The following MARK2 variants were observed in gnomAD, a reference collection of about 807,000 sequenced individuals.
The protein encoded by MARK2 is serine/threonine-protein kinase MARK2.
In MARK2, 16 loss-of-function variants were observed where a neutral mutation model predicts 89.8. The ratio of observed to expected loss-of-function variants is 0.18; its 90% CI spans 0.12 to 0.27. MARK2 has a LOEUF of 0.27. Ranked by LOEUF, MARK2 falls within the 10% of genes least tolerant of loss-of-function variation. The probability of loss-of-function intolerance (pLI) is 1.00; values close to 1 mark genes in which losing one functional copy is unlikely to be tolerated. For synonymous variants in MARK2, 382 were observed against 399.5 expected (o/e 0.96, Z 0.52); for missense variants, 621 against 1,049.9 (o/e 0.59, Z 5.65).
intron 3 of MARK2, among the ~76,000 whole-genome samples, chr11:63,898,018 A>G (rs1321515773): frequency 6.6e-6 from 1 of 152,138 alleles, no homozygotes; most frequent in Non-Finnish European, 1.5e-5. Context: ...TCCTGATGCC[A>G]TCCCGGGTAG....
In MARK2 at chr11:63,894,963, A is replaced by G. The variant is rs1366538270; in HGVS notation, c.55-196A>G. Among the ~76,000 whole-genome samples, 4 of 152,220 alleles carry G rather than the reference A, an allele frequency of 2.6e-5. 1 individual carries two copies. In the Middle Eastern group the frequency reaches 0.01, roughly 388 times the overall value. On this transcript the variant is annotated intron_variant, in intron 1 of 18. Transcript: ENST00000402010. ...CCACAGGACCTGGGCACTGGACCTT[A>G]TGATGTGCTTCTCTGGAGTGAAGAC...
Position 63,857,354 on chromosome 11 carries a change from TTCTCCATGTTGGTCAGGCTGG to T in MARK2, c.54+17820_54+17840del, listed in dbSNP as rs547855496. Among the ~76,000 whole-genome samples the T allele has an allele frequency of 9.6e-3, 1,462 of 152,074 alleles. 28 individuals carry two copies. The highest frequency in any genetic ancestry group is 0.033 in the African/African-American group (1,385 of 41,452). On this transcript the variant is annotated intron_variant, in intron 1 of 18. Coordinates refer to ENST00000402010, the MANE Select transcript of MARK2 (RefSeq NM_001039469.3). ...TTTTGCATTTTAGTAGAGACGGGGTTTCTCCATGTTGGTCAGGCTGGTCTCCATGTTGGTCAGGCTGGTCTC... is the reference window on the plus strand; with the variant it reads ...TTTTGCATTTTAGTAGAGACGGGGTTTCTCCATGTTGGTCAGGCTGGTCTC...
chr11:63,906,130 GCT>G lies in MARK2; in HGVS notation c.1961+17_1961+18del. The G allele has an allele frequency of 8.1e-7, 1 of 1,232,110 alleles. No individual in the cohort carries two copies. Among genetic ancestry groups the G allele is most frequent in the Non-Finnish European group, 1.0e-6 (1 of 985,710 alleles). 76.3% of individuals were successfully genotyped at this position (1,232,110 alleles called of 1,614,324 possible). On this transcript the variant is annotated intron_variant, in intron 17 of 18. Coordinates refer to ENST00000402010, the MANE Select transcript of MARK2 (RefSeq NM_001039469.3). ...TTGCCAGAAGGTAGGCGTTGAGCCC[GCT>G]GTGTGTGTGTGTGTGTGTGTGTGTC... is the stretch of plus-strand genomic sequence containing the variant.
intron 1 of MARK2, among the ~76,000 whole-genome samples, chr11:63,890,715 G>A (rs1219817071): frequency 6.6e-6 from 1 of 152,228 alleles, no homozygotes; most frequent in Non-Finnish European, 1.5e-5. Context: ...AGGTTGTTTT[G>A]ACAGTGAGAC....
chr11:63,890,242 G>A (rs571310291), intron 1 of MARK2: 1 of 1,341,936 alleles, frequency 7.5e-7, no homozygotes, highest in Non-Finnish European at 9.8e-7. Flanking sequence ...CCTTACCCTG[G>A]CTCACATCCC....
chr11:63,861,321 A>C (rs1937764039), intron 1 of MARK2, among the ~76,000 whole-genome samples: 1 of 152,158 alleles, frequency 6.6e-6, no homozygotes, highest in Non-Finnish European at 1.5e-5. Context: ...CTGTAATCCC[A>C]GCTACTCTGG....
intron 1 of MARK2, among the ~76,000 whole-genome samples, chr11:63,874,626 A>G (rs900643424): frequency 1.3e-5 from 2 of 152,184 alleles, no homozygotes; most frequent in Admixed American, 6.5e-5. Context: ...GGAGGCCTCT[A>G]TGCTGTGTTG....
Position 63,903,441 on chromosome 11 carries a change from C to T in MARK2, c.1514+283C>T. 2.2e-6 allele frequency: 1 copy of T among 463,712 alleles called. No individual in the cohort carries two copies. The highest frequency in any genetic ancestry group is 4.0e-6 in the Non-Finnish European group (1 of 250,468). 28.7% of individuals were successfully genotyped at this position (463,712 alleles called of 1,614,324 possible). ...GACCACGGCCAGGGCATGGCAGCTG[C>T]CCTCCTCTAGACATGAGCAGCTAAG... On this transcript the variant is annotated intron_variant, in intron 14 of 18. Coordinates refer to ENST00000402010, the MANE Select transcript of MARK2 (RefSeq NM_001039469.3). The surrounding 1 kb of genome is among the most constrained non-coding windows in gnomAD (Gnocchi z 5.1).
intron 1 of MARK2, among the ~76,000 whole-genome samples, chr11:63,856,317 T>G (rs1011475504): frequency 1.9e-4 from 11 of 58,608 alleles, no homozygotes; most frequent in Admixed American, 3.4e-4. Flanking sequence ...GGTTTTTTTT[T>G]TTTGTTTTTT....
chr11:63,876,726 C>G (rs952972295), intron 1 of MARK2, among the ~76,000 whole-genome samples: 4 of 152,064 alleles, frequency 2.6e-5, no homozygotes, highest in Non-Finnish European at 5.9e-5. Flanking sequence ...TTCTTCCCTG[C>G]CATCTCTGAG....
chr11:63,844,316 CA>C (rs1175126626), intron 1 of MARK2, among the ~76,000 whole-genome samples: 5 of 152,188 alleles, frequency 3.3e-5, no homozygotes, highest in Admixed American at 2.6e-4. Context: ...TCCATCTCTA[CA>C]AAAAAATTTT....
chr11:63,893,639 T>C (rs1590659179), intron 1 of MARK2, among the ~76,000 whole-genome samples: 2 of 152,246 alleles, frequency 1.3e-5, no homozygotes, highest in Non-Finnish European at 2.9e-5. Flanking sequence ...CATAGATGTA[T>C]GTTTTTTGTC....
chr11:63,889,058 C>A, intron 1 of MARK2: 1 of 965,330 alleles, frequency 1.0e-6, no homozygotes, highest in Non-Finnish European at 1.5e-6. Flanking sequence ...CTAAGGGGCG[C>A]CCTGCCTGAG....
rs775666119 is a variant in MARK2 at position 63,903,019 on chromosome 11, C to T, written c.1417-42C>T. 6.4e-7 allele frequency: 1 copy of T among 1,565,762 alleles called. No individual in the cohort carries two copies. The highest frequency in any genetic ancestry group is 1.7e-5 in the Admixed American group (1 of 59,966). Reference sequence around the variant, plus strand: ...GGGGGGAGAACCTGGCTGTAGACCACTTTGGCTTTCTGATAGAACGCTTGC... The same window carrying T: ...GGGGGGAGAACCTGGCTGTAGACCATTTTGGCTTTCTGATAGAACGCTTGC... On this transcript the variant is annotated intron_variant, in intron 13 of 18. Transcript: ENST00000402010. The surrounding 1 kb of genome is among the most constrained non-coding windows in gnomAD (Gnocchi z 5.1).
chr11:63,884,934 G>A (rs1939305457), intron 1 of MARK2, among the ~76,000 whole-genome samples: 1 of 152,252 alleles, frequency 6.6e-6, no homozygotes, highest in South Asian at 2.1e-4. Context: ...ATGCGCAGTG[G>A]CTCACTCCTG....
chr11:63,862,915 C>A (rs1422116112), intron 1 of MARK2, among the ~76,000 whole-genome samples: 2 of 152,092 alleles, frequency 1.3e-5, no homozygotes, highest in Admixed American at 6.6e-5. Context: ...TGGATCTTAA[C>A]TGTGTATATT....
chr11:63,871,387 G>A (rs1303960754), intron 1 of MARK2, among the ~76,000 whole-genome samples: 1 of 151,056 alleles, frequency 6.6e-6, no homozygotes. Context: ...CCGTGTGCAG[G>A]TGTGGCTGAA....
chr11:63,870,594 T>C (rs1441385243), intron 1 of MARK2, among the ~76,000 whole-genome samples: 6 of 152,182 alleles, frequency 3.9e-5, no homozygotes, highest in Admixed American at 2.0e-4. Flanking sequence ...CGAAGTGATT[T>C]AGTCTTGGAA....
Position 63,909,882 on chromosome 11 carries a change from G to GGGGGCTGCTCC in MARK2, c.*655_*665dup, listed in dbSNP as rs1374261926. 1 of 152,858 alleles carries GGGGGCTGCTCC rather than the reference G, an allele frequency of 6.5e-6. No individual in the cohort carries two copies. The highest frequency in any genetic ancestry group is 2.4e-5 in the African/African-American group (1 of 41,466). The allele number at this position is 152,858 out of a possible 1,614,324, so 9.5% of individuals were successfully genotyped here. A position where few individuals can be genotyped will look rare whatever the true frequency, so the allele number is the denominator to read the frequency against. The stretch of plus-strand genomic sequence containing the variant: ...GCGCAGCCCTGCAGTGGGTGGGGCT[G>GGGGGCTGCTCC]GGGGCTGCTCCGGGGCTGCTGAGGC... On this transcript the variant is annotated 3_prime_UTR_variant, in exon 19 of 19. Transcript: ENST00000402010.
Sources: allele counts gnomAD v4.1 joint callset (sites outside exome capture counted in the v4.1 genomes callset), GRCh38; gene constraint gnomAD v4.1.1; non-coding constraint Gnocchi (gnomAD v3.1); transcripts MANE v1.5; gene names NCBI Gene and HGNC (gene_info 2026-07-23, HGNC 2026-07-21).